Variants in MYLK4 observed in about 807,000 individuals in gnomAD.
MYLK4 encodes caMLCK like.
Under a neutral mutation model 48.1 loss-of-function variants are expected in MYLK4, and 46 were observed. The ratio of observed to expected loss-of-function variants is 0.96; its 90% CI spans 0.75 to 1.22. The LOEUF (loss-of-function observed/expected upper bound fraction) is 1.22, where lower values mean the gene tolerates loss of function less well. Among genes scored for constraint, MYLK4 ranks in the 50% most tolerant of loss-of-function variants. The pLI, the probability that MYLK4 is intolerant of heterozygous loss-of-function variation, is 0.00. For missense variants in MYLK4, 451 were observed against 486.1 expected (o/e 0.93, Z 0.68); for synonymous variants, 170 against 180.8 (o/e 0.94, Z 0.48).
At chr6:2,766,123 G>GC in the MYLK4 span, 1 of 1,325,994 alleles carries the variant, frequency 7.5e-7, no homozygotes, top group Non-Finnish European at 9.6e-7. Flanking sequence ...AGGAGGAGGA[G>GC]GCCGTGGGCG....
the MYLK4 span, among the ~76,000 whole-genome samples, chr6:2,767,860 C>T: frequency 6.6e-6 from 1 of 152,126 alleles, no homozygotes; most frequent in Admixed American, 6.5e-5. Context: ...GACTTGCGAG[C>T]CTGATTCCAA....
intron 8 of MYLK4, among the ~76,000 whole-genome samples, chr6:2,679,996 A>G (rs971280495): frequency 3.9e-5 from 6 of 152,164 alleles, no homozygotes; most frequent in African/African-American, 1.4e-4. Context: ...AATAAACTTC[A>G]CTGTATTAGG....
In MYLK4 at chr6:2,675,124, A is replaced by G. The variant is rs779753653; in HGVS notation, c.1042T>C (p.Trp348Arg). 2 of 1,612,772 alleles carry G rather than the reference A, an allele frequency of 1.2e-6. No homozygotes were observed. The highest frequency in any genetic ancestry group is 3.3e-5 in the Admixed American group (2 of 60,028). ...AGAGCTTCGCTTGCACTTATTCGCC[A>G]ACTAGAAGGAAATTCAGAAGGTGAT... ...ISKLLIKEKS[W>R]RISASEALKH... Residue 348 changes from tryptophan to arginine, a missense_variant and splice_region_variant, in exon 11 of 13, where the codon TGG becomes CGG. Physicochemically the swap from Trp to Arg is moderately radical, Grantham distance 101 (BLOSUM62 -3). Coordinates refer to ENST00000274643, the MANE Select transcript of MYLK4 (RefSeq NM_001012418.5).
At chr6:2,766,184 C>T in the MYLK4 span, 18 of 1,382,700 alleles carry the variant, frequency 1.3e-5, no homozygotes, top group East Asian at 5.1e-4. Context: ...CGACCCGGGG[C>T]ACTGGGACGC....
chr6:2,684,952 G>A lies in MYLK4; in HGVS notation c.545+344C>T, dbSNP rs148997273. Among the ~76,000 whole-genome samples the A allele has an allele frequency of 4.4e-3, 664 of 152,140 alleles. 8 individuals carry two copies. Among genetic ancestry groups the A allele is most frequent in the African/African-American group, 0.015 (627 of 41,396 alleles). On this transcript the variant is annotated intron_variant, in intron 6 of 12. Transcript: ENST00000274643. ...CCTAATCATCACCAGTTGTTGACAT[G>A]ACCTTTGTATTAGTGAATATGTTGA... is the stretch of plus-strand genomic sequence containing the variant.
At chr6:2,766,109 CAGGAGG>C in the MYLK4 span, 44 of 1,318,240 alleles carry the variant, frequency 3.3e-5, no homozygotes, top group Admixed American at 4.1e-5. Context: ...GGCGGAGGCG[CAGGAGG>C]AGGAGGAGGC....
chr6:2,763,363 G>A, the MYLK4 span, among the ~76,000 whole-genome samples: 6 of 152,238 alleles, frequency 3.9e-5, no homozygotes, highest in South Asian at 1.0e-3. Context: ...GGTGGTGAAC[G>A]GCCCTGGGTG....
the MYLK4 span, chr6:2,769,006 C>T: frequency 1.1e-5 from 10 of 915,648 alleles, no homozygotes; most frequent in East Asian, 2.5e-4. Flanking sequence ...GGCTTGTGAA[C>T]CCATCTCCTT....
chr6:2,762,997 C>G, the MYLK4 span, among the ~76,000 whole-genome samples: 1 of 152,182 alleles, frequency 6.6e-6, no homozygotes, highest in African/African-American at 2.4e-5. Flanking sequence ...CCCACACAAG[C>G]AAAAGAAAGC....
At chr6:2,766,969 C>T in the MYLK4 span, among the ~76,000 whole-genome samples, 3 of 152,142 alleles carry the variant, frequency 2.0e-5, no homozygotes, top group Admixed American at 1.3e-4. Context: ...ATTTAACATT[C>T]TTATATTCTT....
rs1644790506 is a variant in MYLK4, at chr6:2,685,560, C to T, written c.358G>A (p.Val120Ile). The T allele has an allele frequency of 6.2e-7, 1 of 1,614,188 alleles. No individual in the cohort carries two copies. Among genetic ancestry groups the T allele is most frequent in the Non-Finnish European group, 8.5e-7 (1 of 1,180,030 alleles). Residue 120 changes from valine (V) to isoleucine (I), a missense_variant, in exon 5 of 13, where the codon GTT (valine) becomes ATT (isoleucine). Coordinates refer to ENST00000274643, the MANE Select transcript of MYLK4 (RefSeq NM_001012418.5). This position sits in a 1 kb window ranked among gnomAD's most constrained non-coding sequence, Gnocchi z 4.5. ...EILGGGRFGQ[V>I]HKCEETATGL... ...GTGGCCGTCTCCTCACACTTGTGAA[C>T]CTGGCCGAAACGCCCTCTGCCAAAA...
chr6:2,765,952 C>G, the MYLK4 span: 1 of 1,434,778 alleles, frequency 7.0e-7, no homozygotes, highest in Non-Finnish European at 9.1e-7. Context: ...GCCGCGAGAG[C>G]TACGACGCGC....
Position 2,715,805 on chromosome 6 carries a change from G to A in MYLK4, c.160-22946C>T, listed in dbSNP as rs193215585. ...TTTGTAGCATATGGAATATGAAAGG[G>A]TTTTCCCTGCCAGAGGAGATGAAAT... On this transcript the variant is annotated intron_variant, in intron 2 of 12. Transcript: ENST00000274643. 1.8e-3 allele frequency among the ~76,000 whole-genome samples: 275 copies of A among 152,292 alleles called. 1 individual carries two copies. The highest frequency in any genetic ancestry group is 6.2e-3 in the African/African-American group (259 of 41,566).
intron 6 of MYLK4, among the ~76,000 whole-genome samples, chr6:2,683,994 C>T (rs1277944050): frequency 6.6e-6 from 1 of 152,112 alleles, no homozygotes; most frequent in East Asian, 1.9e-4. Flanking sequence ...TAGTACTGAA[C>T]CTGTATATAC....
chr6:2,732,154 T>C (rs1763500337), intron 2 of MYLK4, among the ~76,000 whole-genome samples: 1 of 152,222 alleles, frequency 6.6e-6, no homozygotes, highest in Admixed American at 6.5e-5. Context: ...TAATCAGACA[T>C]GCCAGCTTCC....
chr6:2,689,423 A>G (rs894786006), intron 3 of MYLK4, among the ~76,000 whole-genome samples: 3 of 152,248 alleles, frequency 2.0e-5, no homozygotes, highest in Admixed American at 6.5e-5. Context: ...TTGATATTAT[A>G]TATTACTTTC....
At chr6:2,765,521 C>A in the MYLK4 span, 4 of 1,288,670 alleles carry the variant, frequency 3.1e-6, no homozygotes, top group South Asian at 6.4e-5. Context: ...GTTCCCCGAG[C>A]GAGGGTCTCG....
chr6:2,689,504 T>C (rs1211885827), intron 3 of MYLK4, among the ~76,000 whole-genome samples: 1 of 152,224 alleles, frequency 6.6e-6, no homozygotes, highest in African/African-American at 2.4e-5. Context: ...TGGCTGGAAA[T>C]AAAACACCCA....
the MYLK4 span, chr6:2,765,933 A>C: frequency 4.8e-6 from 7 of 1,450,080 alleles, no homozygotes; most frequent in Non-Finnish European, 5.4e-6. Context: ...GACGGCGGCG[A>C]GACCGAGAGC....
Sources: allele counts gnomAD v4.1 joint callset (sites outside exome capture counted in the v4.1 genomes callset), GRCh38; gene constraint gnomAD v4.1.1; non-coding constraint Gnocchi (gnomAD v3.1); transcripts MANE v1.5; gene names NCBI Gene and HGNC (gene_info 2026-07-23, HGNC 2026-07-21).